Variants in YME1L1 observed in about 807,000 individuals in gnomAD.
YME1L1 encodes YME1 like 1 ATPase.
Under a neutral mutation model 90.4 loss-of-function variants are expected in YME1L1, and 39 were observed. The observed-to-expected ratio is 0.43, with a 90% CI of 0.33 to 0.56. The LOEUF (loss-of-function observed/expected upper bound fraction) is 0.56. YME1L1 is among the 20% of genes least tolerant of loss of function. The pLI, the probability that YME1L1 is intolerant of heterozygous loss-of-function variation, is 0.03. For missense variants in YME1L1, 617 were observed against 868.4 expected, an observed-to-expected ratio of 0.71 and a Z score of 3.64; for synonymous variants, 284 against 287.3, an observed-to-expected ratio of 0.99 and a Z score of 0.12.
chr10:27,147,395 T>C (rs1310182988), intron 2 of YME1L1: 14 of 1,590,040 alleles, frequency 8.8e-6, no homozygotes, highest in Non-Finnish European at 1.2e-5. Context: ...AGAAGGCTGA[T>C]GGAACAAGTG....
At position 27,142,472 on chromosome 10, in the gene YME1L1, T is replaced by C. The variant is rs778901134; in HGVS notation, c.345A>G (p.Ile115Met). 6.9e-7 allele frequency: 1 copy of C among 1,456,142 alleles called. No homozygotes were observed. The highest frequency in any genetic ancestry group is 1.5e-5 in the South Asian group (1 of 65,910). The allele number at this position is 1,456,142 out of a possible 1,614,324, so 90.2% of individuals were successfully genotyped here. The change falls in exon 4 of 19, where the codon ATA becomes ATG. Residue 115 changes from isoleucine to methionine, a missense_variant. This residue lies in a region of YME1L1 where 311 missense variants were observed against 335.8 expected (regional missense o/e 0.93). Coordinates refer to ENST00000376016, the MANE Select transcript of YME1L1 (RefSeq NM_014263.4). ...AGCAAGAGGAACGTAATGTACTAAA[T>C]ATATCTAAGTTACCTGGAGGGAAAT... ...FFENKYGNLDIFSTLRSSCLY... is the reference protein window; with the variant it reads ...FFENKYGNLDMFSTLRSSCLY...
intron 1 of YME1L1, among the ~76,000 whole-genome samples, chr10:27,153,030 AC>A (rs746311838): frequency 4.0e-5 from 6 of 151,728 alleles, no homozygotes; most frequent in Non-Finnish European, 5.9e-5. Context: ...TTCTGTCACT[AC>A]CCCCTTTAAC....
At chr10:27,145,297 A>T in intron 3 of YME1L1, 131 bp downstream of exon 3, 1 of 783,742 alleles carries the variant, frequency 1.3e-6, no homozygotes, top group Non-Finnish European at 1.8e-6. Flanking sequence ...TGCAAAAAAA[A>T]AAACAAAAAA....
In YME1L1 at chr10:27,119,458, A is replaced by G. The variant is rs534856773; in HGVS notation, c.1412-9T>C. 1 of 1,601,698 alleles carries G rather than the reference A, an allele frequency of 6.2e-7. No individual in the cohort carries two copies. The highest frequency in any genetic ancestry group is 2.2e-5 in the East Asian group (1 of 44,752). ...AATTTCTGGATCAACGGCTAATGTA[A>G]AAAGAGAACACAACGCTAATAAGTC... On this transcript the variant is annotated splice_polypyrimidine_tract_variant and intron_variant, in intron 13 of 18. Transcript: ENST00000376016.
intron 9 of YME1L1, among the ~76,000 whole-genome samples, chr10:27,124,107 T>A (rs1010217270): frequency 2.6e-5 from 4 of 152,218 alleles, no homozygotes; most frequent in African/African-American, 4.8e-5. Context: ...TGAAAACATT[T>A]AAACAAGACT....
At chr10:27,146,899 A>T (rs1027311773) in intron 2 of YME1L1, 1 of 159,956 alleles carries the variant, frequency 6.3e-6, no homozygotes, top group African/African-American at 2.4e-5. Context: ...AAAGGCAGAG[A>T]TCATGCCTTA....
intron 4 of YME1L1, among the ~76,000 whole-genome samples, chr10:27,139,872 CCT>C (rs1491201020): frequency 6.6e-6 from 1 of 151,938 alleles, no homozygotes; most frequent in African/African-American, 2.4e-5. Context: ...TTAAATTGTT[CCT>C]TTTTTTATAC....
At chr10:27,143,594 A>AG (rs1344753503) in intron 3 of YME1L1, among the ~76,000 whole-genome samples, 1 of 150,620 alleles carries the variant, frequency 6.6e-6, no homozygotes, top group African/African-American at 2.4e-5. Context: ...GCTGCTCGGG[A>AG]GGCTGAGGCA....
chr10:27,150,097 A>G (rs1588618959), intron 1 of YME1L1, among the ~76,000 whole-genome samples: 1 of 138,114 alleles, frequency 7.2e-6, no homozygotes, highest in Admixed American at 7.1e-5. Context: ...AATAAATAAA[A>G]ATGAAAACAA....
At chr10:27,151,568 T>C (rs2057216396) in intron 1 of YME1L1, among the ~76,000 whole-genome samples, 1 of 152,232 alleles carries the variant, frequency 6.6e-6, no homozygotes, top group Non-Finnish European at 1.5e-5. Flanking sequence ...GGAATAAAGC[T>C]GACCGTAAAA....
rs62622019 is a variant in YME1L1, at chr10:27,147,637, T to C, written c.168+1269A>G. The C allele has an allele frequency of 0.048, 73,801 of 1,552,624 alleles. 1,885 individuals are homozygous for C. Among genetic ancestry groups the C allele is most frequent in the African/African-American group, 0.069 (5,072 of 73,166 alleles). On this transcript the variant is annotated intron_variant, in intron 2 of 18. Transcript: ENST00000376016. ...TTTTCCTTTGCCAATTGAAACAATG[T>C]TAAGCTTCGTCAGGAAGTCACTGAA...
intron 7 of YME1L1, among the ~76,000 whole-genome samples, chr10:27,132,460 TC>T (rs1049255594): frequency 2.0e-5 from 3 of 152,160 alleles, no homozygotes; most frequent in African/African-American, 7.2e-5. Context: ...AAGACATATT[TC>T]GGCTGCTCTG....
intron 1 of YME1L1, among the ~76,000 whole-genome samples, chr10:27,149,738 A>C (rs1306664857): frequency 1.4e-5 from 2 of 139,136 alleles, no homozygotes; most frequent in Admixed American, 1.4e-4. Flanking sequence ...AAAAAAAAAG[A>C]AACTACCACA....
At position 27,127,734 on chromosome 10, in the gene YME1L1, A is replaced by C. The variant is rs1294442865; in HGVS notation, c.859-948T>G. On this transcript the variant is annotated intron_variant, in intron 8 of 18. Transcript: ENST00000376016. The stretch of plus-strand genomic sequence containing the variant: ...GGTTAGTAACCAGAAGGAGGCATCA[A>C]GGAGGTTCTGGGCTTCTGCTAAGGT... Among the ~76,000 whole-genome samples, 3 of 152,332 alleles carry C rather than the reference A, an allele frequency of 2.0e-5. No individual in the cohort carries two copies. In the East Asian group the frequency reaches 5.8e-4, roughly 29 times the overall value.
intron 1 of YME1L1, among the ~76,000 whole-genome samples, chr10:27,149,310 A>G (rs1381014530): frequency 6.6e-6 from 1 of 152,214 alleles, no homozygotes; most frequent in African/African-American, 2.4e-5. Flanking sequence ...ATTATAAGGA[A>G]ATAATCTGAC....
chr10:27,123,870 CA>C (rs1456630504), intron 9 of YME1L1, among the ~76,000 whole-genome samples, 171 bp from the exon 10 acceptor site: 2 of 142,626 alleles, frequency 1.4e-5, no homozygotes, highest in African/African-American at 5.5e-5. Context: ...TGGTTCACTT[CA>C]GAATCTTGTC....
chr10:27,151,230 G>A (rs555464546), intron 1 of YME1L1, among the ~76,000 whole-genome samples: 1 of 152,202 alleles, frequency 6.6e-6, no homozygotes, highest in African/African-American at 2.4e-5. Flanking sequence ...CGACTCTCTC[G>A]AATTCTTGTG....
chr10:27,118,809 T>A (rs369212512), intron 14 of YME1L1, among the ~76,000 whole-genome samples: 1 of 152,200 alleles, frequency 6.6e-6, no homozygotes. Context: ...GAATAAAGTA[T>A]CCTTTTTCGC....
chr10:27,119,174 A>G, intron 14 of YME1L1, 120 bp downstream of exon 14: 12 of 1,026,960 alleles, frequency 1.2e-5, no homozygotes, highest in Non-Finnish European at 1.6e-5. Context: ...CTGAAGTTTT[A>G]GAGTAAGATT....
Sources: gnomAD v4.1 joint callset for allele counts (sites outside exome capture counted in the v4.1 genomes callset) on GRCh38, gnomAD v4.1.1 for gene constraint, gnomAD v4.1.1 regional missense constraint, MANE v1.5 for transcripts, NCBI Gene and HGNC (gene_info 2026-07-23, HGNC 2026-07-21) for gene names.